Variants in SCAF1 observed in about 807,000 individuals in gnomAD.
SCAF1 encodes the protein splicing factor, arginine/serine-rich 19.
SCAF1 carries 28 observed loss-of-function variants against 91.2 expected under a neutral mutation model. The observed-to-expected ratio is 0.31, with a 90% CI of 0.23 to 0.42. The LOEUF is 0.42. SCAF1 is among the 10% of genes least tolerant of loss of function. SCAF1 has a pLI of 1.00. For synonymous variants in SCAF1, 1,036 were observed against 833.7 expected (o/e 1.24, Z -4.18); for missense variants, 1,893 against 1,872.1 (o/e 1.01, Z -0.21).
chr19:49,653,957 G>A (rs2081122043), intron 7 of SCAF1, among the ~76,000 whole-genome samples: 1 of 152,172 alleles, frequency 6.6e-6, no homozygotes, highest in Admixed American at 6.5e-5. Context: ...TCCCCTAGAC[G>A]GGGAGTAGGA....
intron 6 of SCAF1, among the ~76,000 whole-genome samples, chr19:49,648,650 C>T (rs2122469740): frequency 6.7e-6 from 1 of 149,746 alleles, no homozygotes; most frequent in African/African-American, 2.4e-5. Context: ...TCTTAGGGGC[C>T]CACAAAAGTG....
Position 49,652,826 on chromosome 19 carries a change from G to A in SCAF1, c.2437G>A (p.Val813Ile), listed in dbSNP as rs767196249. Residue 813 changes from valine to isoleucine, a missense_variant, in exon 7 of 11, where the codon GTC becomes ATC. This residue lies in a region of SCAF1 where 1,436 missense variants were observed against 1,306.8 expected (regional missense o/e 1.10). Coordinates refer to ENST00000360565, the MANE Select transcript of SCAF1 (RefSeq NM_021228.3). ...PSSGPPPKPP[V>I]SSGSGSSSSS... ...CTCAGGGCCCCCGCCAAAGCCACCA[G>A]TCAGCAGCGGCTCAGGCTCTTCATC... 6.2e-7 allele frequency: 1 copy of A among 1,614,034 alleles called. No individual in the cohort carries two copies. Among genetic ancestry groups the A allele is most frequent in the Admixed American group, 1.7e-5 (1 of 60,028 alleles).
intron 8 of SCAF1, 62 bp from the exon 9 acceptor site, chr19:49,654,590 T>C (rs1323912522): frequency 7.1e-7 from 1 of 1,398,776 alleles, no homozygotes; most frequent in Admixed American, 1.8e-5. Flanking sequence ...AACAGTGGGG[T>C]GCACGTCCCC....
rs766090001 is a variant in SCAF1, at chr19:49,652,919, G to A, written c.2530G>A (p.Gly844Ser). The change falls in exon 7 of 11, where the codon GGT (glycine) becomes AGT (serine). Residue 844 changes from glycine (G) to serine (S), a missense_variant. Gly to Ser is a moderately conservative substitution (Grantham distance 56). Transcript: ENST00000360565. ...CAAGGTGGCGGTGCTGATCCGCGAG[G>A]GTGTCAGCAGCACCACCCCGGCCAA... ...QSKVAVLIRE[G>S]VSSTTPAKDA... 2 of 1,613,878 alleles carry A rather than the reference G, an allele frequency of 1.2e-6. No homozygotes were observed. Among genetic ancestry groups the A allele is most frequent in the Middle Eastern group, 1.6e-4 (1 of 6,062 alleles).
rs773620184 is a variant in SCAF1 at position 49,653,585 on chromosome 19, G to A, written c.3196G>A (p.Gly1066Ser). 17 of 1,586,954 alleles carry A rather than the reference G, an allele frequency of 1.1e-5. No homozygotes were observed. The highest frequency in any genetic ancestry group is 2.3e-5 in the South Asian group (2 of 88,196). ...TGCCCCCAGCGCGGGGTCCACAGCC[G>A]GTGACTCGGGGGCGGAGGACGGGCC... ...STAPSAGSTA[G>S]DSGAEDGPAS... The change falls in exon 7 of 11, where the codon GGT becomes AGT. Residue 1066 changes from glycine (G) to serine (S), a missense_variant. Physicochemically the swap from Gly to Ser is moderately conservative, Grantham distance 56 (BLOSUM62 0). Around this residue, in one of 5 missense-constraint regions of SCAF1, gnomAD observed 1,436 missense variants for 1,306.8 expected, o/e 1.10. Coordinates refer to ENST00000360565, the MANE Select transcript of SCAF1 (RefSeq NM_021228.3).
chr19:49,650,787 G>C (rs1003398933), intron 6 of SCAF1, 81 bp from the exon 7 acceptor site: 1 of 1,129,238 alleles, frequency 8.9e-7, no homozygotes, highest in Non-Finnish European at 1.3e-6. Flanking sequence ...GGCCCAGGGA[G>C]TGTCCACGGC....
chr19:49,652,531 C>G lies in SCAF1; in HGVS notation c.2142C>G (p.Asp714Glu). ...TITVGRLDKS[D>E]PRGPSPAPAS... ...CGGTGGGCCGGCTTGACAAGTCCGA[C>G]CCCCGAGGACCCTCTCCTGCTCCGG... is the stretch of plus-strand genomic sequence containing the variant. Residue 714 changes from aspartate to glutamate, a missense_variant, in exon 7 of 11, where the codon GAC becomes GAG. By Grantham distance (45) the Asp-to-Glu change is conservative. Around this residue, in one of 5 missense-constraint regions of SCAF1, gnomAD observed 1,436 missense variants for 1,306.8 expected, o/e 1.10. Transcript: ENST00000360565. 6.4e-7 allele frequency: 1 copy of G among 1,567,442 alleles called. No individual in the cohort carries two copies. The highest frequency in any genetic ancestry group is 1.2e-5 in the South Asian group (1 of 85,362).
chr19:49,646,088 C>A lies in SCAF1; in HGVS notation c.167-20C>A. On this transcript the variant is annotated intron_variant, in intron 3 of 10. Coordinates refer to ENST00000360565, the MANE Select transcript of SCAF1 (RefSeq NM_021228.3). The surrounding 1 kb of genome is among the most constrained non-coding windows in gnomAD (Gnocchi z 5.6). Reference sequence around the variant, plus strand: ...CAGCAAGTCCCCTGTGTCCAATCCCCCATGCAAATCTCTCACCAGATGGCT... The same window carrying A: ...CAGCAAGTCCCCTGTGTCCAATCCCACATGCAAATCTCTCACCAGATGGCT... 1 of 1,607,554 alleles carries A rather than the reference C, an allele frequency of 6.2e-7. No individual in the cohort carries two copies. Among genetic ancestry groups the A allele is most frequent in the Non-Finnish European group, 8.5e-7 (1 of 1,176,074 alleles).
rs989465465 is a variant in SCAF1 at position 49,645,668 on chromosome 19, G to A, written c.166+257G>A. 7.9e-5 allele frequency among the ~76,000 whole-genome samples: 12 copies of A among 152,200 alleles called. No individual in the cohort carries two copies. Among genetic ancestry groups the A allele is most frequent in the East Asian group, 5.8e-4 (3 of 5,194 alleles). ...GGAGACGGGTCAGGGCACCTTCCCC[G>A]AGCAGGGACAGTGAACGGCTCTCTA... is the stretch of plus-strand genomic sequence containing the variant. On this transcript the variant is annotated intron_variant, in intron 3 of 10. Transcript: ENST00000360565. The surrounding 1 kb of genome is among the most constrained non-coding windows in gnomAD (Gnocchi z 4.6).
chr19:49,651,211 AGAG>A lies in SCAF1; in HGVS notation c.825_827del (p.Glu282del). 3.1e-6 allele frequency: 5 copies of A among 1,613,122 alleles called. No individual in the cohort carries two copies. Among genetic ancestry groups the A allele is most frequent in the Non-Finnish European group, 3.4e-6 (4 of 1,179,750 alleles). On this transcript the variant is annotated inframe_deletion, in exon 7 of 11. Transcript: ENST00000360565. Reference sequence around the variant, plus strand: ...CACCTGAGGAGGAAGAGGAGGAGGAAGAGGAAGAAGAAGAGGAAGAGGAAGACG... The same window carrying A: ...CACCTGAGGAGGAAGAGGAGGAGGAAGAAGAAGAAGAGGAAGAGGAAGACG...
intron 6 of SCAF1, among the ~76,000 whole-genome samples, chr19:49,649,966 C>CA (rs1028085760): frequency 4.6e-5 from 7 of 152,214 alleles, no homozygotes; most frequent in Non-Finnish European, 8.8e-5. Flanking sequence ...GCACTGTCCT[C>CA]ACACCACTCT....
In SCAF1 at chr19:49,645,784, C is replaced by T. The variant is rs888914332; in HGVS notation, c.167-324C>T. ...GCACGGGTGCAGCGGCGAGGGGCTG[C>T]GCTGGGCTTCCTTGGGGCTGGCATG... On this transcript the variant is annotated intron_variant, in intron 3 of 10. Coordinates refer to ENST00000360565, the MANE Select transcript of SCAF1 (RefSeq NM_021228.3). This position sits in a 1 kb window ranked among gnomAD's most constrained non-coding sequence, Gnocchi z 4.6. Among the ~76,000 whole-genome samples, 5 of 152,190 alleles carry T rather than the reference C, an allele frequency of 3.3e-5. No individual in the cohort carries two copies. The highest frequency in any genetic ancestry group is 6.5e-5 in the Admixed American group (1 of 15,294).
Position 49,651,046 on chromosome 19 carries a change from C to A in SCAF1, c.657C>A (p.Ala219=). The part of the protein sequence containing the change: ...PPPPPPPAPP[A]PPAPRFDIYD... ...CCCCACCGCCCCCTGCACCCCCAGC[C>A]CCACCTGCCCCCCGATTCGATATCT... The change falls in exon 7 of 11, where the codon GCC becomes GCA. Residue 219 remains alanine, a synonymous_variant. Transcript: ENST00000360565. 2 of 1,275,138 alleles carry A rather than the reference C, an allele frequency of 1.6e-6. No individual in the cohort carries two copies. The highest frequency in any genetic ancestry group is 2.1e-6 in the Non-Finnish European group (2 of 939,656). The allele number at this position is 1,275,138 out of a possible 1,614,324, so 79.0% of individuals were successfully genotyped here.
At chr19:49,657,640 G>C (rs1170080354) in intron 9 of SCAF1, 121 bp from the exon 10 acceptor site, 1 of 1,290,818 alleles carries the variant, frequency 7.7e-7, no homozygotes, top group African/African-American at 1.5e-5. Flanking sequence ...AGGACTTCCA[G>C]CCTGAGAGCA....
chr19:49,651,712 C>G lies in SCAF1; in HGVS notation c.1323C>G (p.Pro441=). The change falls in exon 7 of 11, where the codon CCC becomes CCG. Residue 441 remains proline, a synonymous_variant. Coordinates refer to ENST00000360565, the MANE Select transcript of SCAF1 (RefSeq NM_021228.3). ...PLPQPPAPRA[P]EGDDFLSLHA... ...CTCAGCCTCCCGCTCCGCGGGCCCC[C>G]GAGGGGGACGACTTCTTGTCCCTGC... 1 of 1,380,042 alleles carries G rather than the reference C, an allele frequency of 7.2e-7. No individual in the cohort carries two copies. The highest frequency in any genetic ancestry group is 9.3e-7 in the Non-Finnish European group (1 of 1,077,702). 85.5% of individuals were successfully genotyped at this position (1,380,042 alleles called of 1,614,324 possible).
chr19:49,640,750 G>A (rs1021761551), upstream of SCAF1, among the ~76,000 whole-genome samples: 2 of 152,166 alleles, frequency 1.3e-5, no homozygotes, highest in African/African-American at 4.8e-5. Context: ...TGGGGCCCTA[G>A]AGGGGGACAG....
At position 49,652,420 on chromosome 19, in the gene SCAF1, C is replaced by G; in HGVS notation, c.2031C>G (p.Asp677Glu). 6.3e-7 allele frequency: 1 copy of G among 1,595,956 alleles called. No homozygotes were observed. The highest frequency in any genetic ancestry group is 2.2e-5 in the East Asian group (1 of 44,500). ...PPPSGSTSCG[D>E]RDSRRRGAVP... ...CCTCTGGCTCCACCTCGTGTGGTGA[C>G]CGCGACAGCCGCCGCCGGGGGGCCG... Residue 677 changes from aspartate (D) to glutamate (E), a missense_variant, in exon 7 of 11, where the codon GAC becomes GAG. Asp to Glu is a conservative substitution (Grantham distance 45, BLOSUM62 2). This residue lies in a region of SCAF1 where 1,436 missense variants were observed against 1,306.8 expected (regional missense o/e 1.10). Coordinates refer to ENST00000360565, the MANE Select transcript of SCAF1 (RefSeq NM_021228.3).
chr19:49,653,799 G>A, intron 7 of SCAF1, 94 bp downstream of exon 7: 1 of 1,254,570 alleles, frequency 8.0e-7, no homozygotes, highest in Non-Finnish European at 1.1e-6. Flanking sequence ...TGCCCTGGCA[G>A]GGAGAGGTTT....
chr19:49,644,779 C>T (rs2081044949), intron 1 of SCAF1: 3 of 366,802 alleles, frequency 8.2e-6, no homozygotes, highest in African/African-American at 6.4e-5. Context: ...CTCCCTTTGA[C>T]ATAAGAGGCA....
Sources: allele counts gnomAD v4.1 joint callset (sites outside exome capture counted in the v4.1 genomes callset), GRCh38; gene constraint gnomAD v4.1.1; regional missense constraint gnomAD v4.1.1; non-coding constraint Gnocchi (gnomAD v3.1); transcripts MANE v1.5; gene names NCBI Gene and HGNC (gene_info 2026-07-23, HGNC 2026-07-21).